The following ARL6IP4 variants were observed in gnomAD, a reference collection of about 807,000 sequenced individuals.
ARL6IP4 encodes the protein ADP-ribosylation factor-like protein 6-interacting protein 4.
A neutral mutation model predicts 28.1 loss-of-function variants in ARL6IP4; 24 were observed. The observed-to-expected ratio is 0.86, with a 90% CI of 0.62 to 1.20. The LOEUF (loss-of-function observed/expected upper bound fraction) is 1.20, where lower values mean the gene tolerates loss of function less well. ARL6IP4 is among the 50% of genes most tolerant of loss of function. ARL6IP4 has a pLI of 0.00. For missense variants in ARL6IP4, 343 were observed against 302.4 expected (o/e 1.13, Z -1.00); for synonymous variants, 162 against 122.3 (o/e 1.32, Z -2.14).
Position 122,982,692 on chromosome 12 carries a change from A to G in ARL6IP4, c.*16A>G, listed in dbSNP as rs761576503. Reference sequence around the variant, plus strand: ...GCTTCCCTGAGGGCCCCCGCTGGCCAAGGCCTGTGGACGACGCTGGCGGCC... The same window carrying G: ...GCTTCCCTGAGGGCCCCCGCTGGCCGAGGCCTGTGGACGACGCTGGCGGCC... On this transcript the variant is annotated 3_prime_UTR_variant, in exon 6 of 6. Coordinates refer to ENST00000315580, the MANE Select transcript of ARL6IP4 (RefSeq NM_018694.4). The G allele has an allele frequency of 4.0e-5, 65 of 1,612,300 alleles. No homozygotes were observed. Among genetic ancestry groups the G allele is most frequent in the Non-Finnish European group, 5.3e-5 (62 of 1,179,322 alleles).
intron 4 of ARL6IP4, 42 bp downstream of exon 4, chr12:122,982,116 G>C (rs1216636246): frequency 6.3e-7 from 1 of 1,598,852 alleles, no homozygotes; most frequent in Non-Finnish European, 8.6e-7. Flanking sequence ...GGATCTGGGA[G>C]TGTTGGCTGA....
rs1246091247 is a variant in ARL6IP4, at chr12:122,982,695, GC to G, written c.*21del. On this transcript the variant is annotated 3_prime_UTR_variant, in exon 6 of 6. Transcript: ENST00000315580. ...TCCCTGAGGGCCCCCGCTGGCCAAG[GC>G]CTGTGGACGACGCTGGCGGCCCAGC... 6.2e-7 allele frequency: 1 copy of G among 1,611,622 alleles called. No individual in the cohort carries two copies. Among genetic ancestry groups the G allele is most frequent in the African/African-American group, 1.3e-5 (1 of 74,900 alleles).
chr12:122,981,461 T>G, intron 2 of ARL6IP4, 110 bp from the exon 3 acceptor site: 1 of 1,391,332 alleles, frequency 7.2e-7, no homozygotes, highest in Non-Finnish European at 9.5e-7. Flanking sequence ...GGAAGCTCCA[T>G]CTCTGTTCTG....
intron 1 of ARL6IP4, 105 bp from the exon 2 acceptor site, chr12:122,981,024 G>C (rs1011508051): frequency 1.7e-5 from 24 of 1,414,624 alleles, no homozygotes; most frequent in African/African-American, 3.0e-5. Flanking sequence ...GGACGGTGAC[G>C]GGTACTGGGC....
Position 122,980,991 on chromosome 12 carries a change from GGTGA to G in ARL6IP4, c.-11-136_-11-133del, listed in dbSNP as rs2037621004. The G allele has an allele frequency of 2.1e-6, 3 of 1,402,122 alleles. No homozygotes were observed. The Admixed American group carries it at 9.5e-5, about 44-fold the overall frequency. The allele number at this position is 1,402,122 out of a possible 1,614,324, so 86.9% of individuals were successfully genotyped here. ...ACCGGGGTCCCCAGCGCTGGGGGTG[GGTGA>G]GGGTCGCTCATTTTCCCGGGACGGT... On this transcript the variant is annotated intron_variant, in intron 1 of 5. Coordinates refer to ENST00000315580, the MANE Select transcript of ARL6IP4 (RefSeq NM_018694.4).
At position 122,981,719 on chromosome 12, in the gene ARL6IP4, G is replaced by A. The variant is rs1566219332; in HGVS notation, c.309G>A (p.Lys103=). ...SSSSSSDGRK[K]RGKYKDKRRK... ...CTTCCTCCAGTGATGGCCGGAAGAA[G>A]CGGGGGAAGTACAAGGACAAGAGGA... The change falls in exon 3 of 6, where the codon AAG becomes AAA. Residue 103 remains lysine, a synonymous_variant. Transcript: ENST00000315580. 3.9e-6 allele frequency: 6 copies of A among 1,552,992 alleles called. No homozygotes were observed. Among genetic ancestry groups the A allele is most frequent in the Non-Finnish European group, 5.2e-6 (6 of 1,147,804 alleles).
In ARL6IP4 at chr12:122,981,268, T is replaced by A. The variant is rs1378458989; in HGVS notation, c.129T>A (p.Gly43=). ...SRNCSASTSQ[G]RKASTAPGAE... ...ACTGCTCGGCCTCCACATCCCAAGGTCGCAAGGCCAGCACGGCCCCTGGGG... is the reference window on the plus strand; with the variant it reads ...ACTGCTCGGCCTCCACATCCCAAGGACGCAAGGCCAGCACGGCCCCTGGGG... The change falls in exon 2 of 6, where the codon GGT becomes GGA. Residue 43 remains glycine (G), a synonymous_variant. Transcript: ENST00000315580. The A allele has an allele frequency of 1.9e-6, 3 of 1,549,150 alleles. No homozygotes were observed. The African/African-American group carries it at 4.1e-5, about 21-fold the overall frequency.
upstream of ARL6IP4, chr12:122,980,586 C>A (rs1178964770): frequency 7.2e-7 from 1 of 1,382,878 alleles, no homozygotes; most frequent in South Asian, 1.6e-5. Flanking sequence ...GGGAGGTGGG[C>A]GCGCCCGGGA....
At position 122,982,533 on chromosome 12, in the gene ARL6IP4, A is replaced by G. The variant is rs769837734; in HGVS notation, c.652A>G (p.Asn218Asp). Reference protein sequence around the residue: ...IVTKERHREINKQATRGDCLA... With the variant: ...IVTKERHREIDKQATRGDCLA... ...AACCAAAGAACGACACAGAGAGATC[A>G]ACAAGGTGGGTGTGGCCCCTCTGCC... Residue 218 changes from asparagine (N) to aspartate (D), a missense_variant, in exon 5 of 6, where the codon AAC (asparagine) becomes GAC (aspartate). Transcript: ENST00000315580. The G allele has an allele frequency of 2.5e-6, 4 of 1,614,134 alleles. No individual in the cohort carries two copies. The Admixed American group carries it at 6.7e-5, about 27-fold the overall frequency.
Position 122,981,663 on chromosome 12 carries a change from A to G in ARL6IP4, c.253A>G (p.Ser85Gly). Residue 85 changes from serine to glycine, a missense_variant, in exon 3 of 6, where the codon AGC (serine) becomes GGC (glycine). Transcript: ENST00000315580. ...CTCCTCCTCTTCTTCCAGTTCTTCT[A>G]GCTCCTCTTCTTCCTCCTCGTCCTC... ...SSSSSSSSSS[S>G]SSSSSSSSSS... 1.3e-6 allele frequency: 2 copies of G among 1,555,832 alleles called. No individual in the cohort carries two copies. The highest frequency in any genetic ancestry group is 8.7e-7 in the Non-Finnish European group (1 of 1,149,886).
upstream of ARL6IP4, chr12:122,980,410 G>GGGCTGCCC: frequency 7.3e-7 from 1 of 1,368,592 alleles, no homozygotes; most frequent in Non-Finnish European, 9.4e-7. Context: ...GGACCAGCCG[G>GGGCTGCCC]GGAGGAGGGC....
chr12:122,980,805 G>A (rs967452275), intron 1 of ARL6IP4, 60 bp downstream of exon 1: 11 of 1,320,686 alleles, frequency 8.3e-6, no homozygotes, highest in Admixed American at 8.3e-5. Context: ...AGGGCGCGGG[G>A]CTGGAGGGTA....
In ARL6IP4 at chr12:122,982,779, C is replaced by G; in HGVS notation, c.*103C>G. The stretch of plus-strand genomic sequence containing the variant: ...TGATGGGTGCTGGTGGCCTTTCCCC[C>G]GTGGATTGGTCTCTGGCCCAGCCCA... On this transcript the variant is annotated 3_prime_UTR_variant, in exon 6 of 6. Coordinates refer to ENST00000315580, the MANE Select transcript of ARL6IP4 (RefSeq NM_018694.4). 2 of 1,255,000 alleles carry G rather than the reference C, an allele frequency of 1.6e-6. No homozygotes were observed. Among genetic ancestry groups the G allele is most frequent in the Admixed American group, 1.9e-5 (1 of 53,634 alleles). The allele number at this position is 1,255,000 out of a possible 1,614,324, so 77.7% of individuals were successfully genotyped here.
chr12:122,981,489 C>T (rs1303081189), intron 2 of ARL6IP4, 82 bp from the exon 3 acceptor site: 4 of 1,415,158 alleles, frequency 2.8e-6, no homozygotes, highest in African/African-American at 2.9e-5. Context: ...CCTCAGGAAG[C>T]GCTCACCCTG....
rs182754389 is a variant in ARL6IP4 at position 122,982,179 on chromosome 12, A to G, written c.587+105A>G. On this transcript the variant is annotated intron_variant, in intron 4 of 5. Transcript: ENST00000315580. ...CCGGGCGGGGTTCCTGGTGCCTGAA[A>G]AAGGCCAAATGTGGGCAAAAATACG... is the stretch of plus-strand genomic sequence containing the variant. 74 of 1,343,696 alleles carry G rather than the reference A, an allele frequency of 5.5e-5. No individual in the cohort carries two copies. In the East Asian group the frequency reaches 1.7e-3, roughly 31 times the overall value. The allele number at this position is 1,343,696 out of a possible 1,614,324, so 83.2% of individuals were successfully genotyped here.
chr12:122,981,100 C>T lies in ARL6IP4; in HGVS notation c.-11-29C>T, dbSNP rs565045438. On this transcript the variant is annotated intron_variant, in intron 1 of 5. Coordinates refer to ENST00000315580, the MANE Select transcript of ARL6IP4 (RefSeq NM_018694.4). ...CGCCCGCGGCCGGCCTTGGGGGCTT[C>T]GGCTCAAGCGCGTCTTCTTCGTCGC... 5.2e-6 allele frequency: 8 copies of T among 1,541,448 alleles called. No individual in the cohort carries two copies. In the East Asian group the frequency reaches 2.0e-4, roughly 38 times the overall value.
In ARL6IP4 at chr12:122,982,765, G is replaced by A. The variant is rs761441857; in HGVS notation, c.*89G>A. 4.0e-5 allele frequency: 55 copies of A among 1,377,562 alleles called. No homozygotes were observed. Among genetic ancestry groups the A allele is most frequent in the Non-Finnish European group, 5.4e-5 (53 of 983,622 alleles). 85.3% of individuals were successfully genotyped at this position (1,377,562 alleles called of 1,614,324 possible). ...GCCAGTGGGAAGCCTGATGGGTGCT[G>A]GTGGCCTTTCCCCCGTGGATTGGTC... On this transcript the variant is annotated 3_prime_UTR_variant, in exon 6 of 6. Coordinates refer to ENST00000315580, the MANE Select transcript of ARL6IP4 (RefSeq NM_018694.4).
Position 122,981,980 on chromosome 12 carries a change from C to G in ARL6IP4, c.493C>G (p.Arg165Gly), listed in dbSNP as rs756611996. The change falls in exon 4 of 6, where the codon CGA becomes GGA. Residue 165 changes from arginine to glycine, a missense_variant. Transcript: ENST00000315580. ...AGTCCTGACGGATGAGCAGAAGTCC[C>G]GAATCCAGGCCATGAAGCCCATGAC... ...GPVLTDEQKS[R>G]IQAMKPMTKE... The G allele has an allele frequency of 1.2e-6, 2 of 1,613,698 alleles. No homozygotes were observed. Among genetic ancestry groups the G allele is most frequent in the South Asian group, 1.1e-5 (1 of 91,088 alleles).
chr12:122,982,031 AG>A lies in ARL6IP4; in HGVS notation c.545del (p.Ser182ThrfsTer24). 1 of 1,613,624 alleles carries A rather than the reference AG, an allele frequency of 6.2e-7. No homozygotes were observed. Among genetic ancestry groups the A allele is most frequent in the South Asian group, 1.1e-5 (1 of 91,086 alleles). On this transcript the variant is annotated frameshift_variant, in exon 4 of 6. Transcript: ENST00000315580. LOFTEE classifies it high-confidence loss of function. The part of the protein sequence containing the change: ...MTKEEWDARQ[S>X]IIRKVVDPET... ...CAAGGAGGAGTGGGATGCCCGGCAG[AG>A]CATCATCCGCAAGGTGGTGGACCCT...
Sources: gnomAD v4.1 joint callset for allele counts on GRCh38, gnomAD v4.1.1 for gene constraint, MANE v1.5 for transcripts, NCBI Gene and HGNC (gene_info 2026-07-23, HGNC 2026-07-21) for gene names.